The following PDXDC1 variants were observed in gnomAD, a reference collection of about 807,000 sequenced individuals.
The protein encoded by PDXDC1 is pyridoxal-dependent decarboxylase domain-containing protein 1.
Under a neutral mutation model 100.1 loss-of-function variants are expected in PDXDC1, and 42 were observed. The observed-to-expected ratio is 0.42, with a 90% confidence interval of 0.33 to 0.54. The LOEUF (loss-of-function observed/expected upper bound fraction) is 0.54. Among genes scored for constraint, PDXDC1 ranks in the 20% least tolerant of loss-of-function variants. The pLI is 0.10. For synonymous variants in PDXDC1, 260 were observed against 371.7 expected (o/e 0.70, Z 3.46); for missense variants, 636 against 979.2 (o/e 0.65, Z 4.68).
At chr16:15,026,274 T>C (rs2042596213) in intron 13 of PDXDC1, 2 of 292,504 alleles carry the variant, frequency 6.8e-6, no homozygotes. Context: ...TCCTGCATAA[T>C]TTCTGGGATT....
chr16:15,058,043 G>A (rs977425564), intron 16 of PDXDC1, among the ~76,000 whole-genome samples: 4 of 152,150 alleles, frequency 2.6e-5, no homozygotes, highest in African/African-American at 7.2e-5. Flanking sequence ...CCAGCACTGC[G>A]GCTCATGCCT....
At chr16:15,130,454 C>A (rs980214431) in intron 16 of PDXDC1, 4 of 1,457,278 alleles carry the variant, frequency 2.7e-6, no homozygotes, top group Non-Finnish European at 3.8e-6. Context: ...GGTCTCTGGT[C>A]CTGGGCAGGG....
intron 16 of PDXDC1, chr16:15,079,945 A>G: frequency 6.6e-7 from 1 of 1,503,850 alleles, no homozygotes. Context: ...TACTGTGATT[A>G]TAACAAATTC....
At chr16:15,075,593 GAA>G in intron 16 of PDXDC1, among the ~76,000 whole-genome samples, 1 of 22,374 alleles carries the variant, frequency 4.5e-5, no homozygotes, top group Non-Finnish European at 2.4e-4. Flanking sequence ...AGAAAGAAAA[GAA>G]AGAAAGAAAT....
chr16:15,094,161 C>G, intron 16 of PDXDC1: 1 of 1,601,158 alleles, frequency 6.2e-7, no homozygotes, highest in African/African-American at 1.3e-5. Context: ...CTCGACGCGC[C>G]CAGCTTCTTA....
At chr16:15,045,878 C>T (rs1486736605) in intron 16 of PDXDC1, 1 of 152,208 alleles carries the variant, frequency 6.6e-6, no homozygotes, top group African/African-American at 2.4e-5. Context: ...GAACCAGAAG[C>T]TTGGATGTAC....
At chr16:15,044,147 TC>T (rs2043948026) in intron 16 of PDXDC1, among the ~76,000 whole-genome samples, 1 of 152,074 alleles carries the variant, frequency 6.6e-6, no homozygotes, top group African/African-American at 2.4e-5. Context: ...CTGCTACCCC[TC>T]CCTACACATG....
At chr16:15,047,471 T>C (rs1161472840) in intron 16 of PDXDC1, 2 of 1,612,842 alleles carry the variant, frequency 1.2e-6, no homozygotes, top group Non-Finnish European at 1.7e-6. Flanking sequence ...CAGAAAAGGA[T>C]TTTATGGAGT....
chr16:15,082,067 C>T (rs930401046), intron 16 of PDXDC1, among the ~76,000 whole-genome samples: 107 of 152,284 alleles, frequency 7.0e-4, no homozygotes, highest in African/African-American at 2.3e-3. Flanking sequence ...AGAGAGTTTA[C>T]GCCTTCCTTT....
At chr16:15,124,644 C>T (rs1043715511) in intron 16 of PDXDC1, among the ~76,000 whole-genome samples, 33 of 150,800 alleles carry the variant, frequency 2.2e-4, no homozygotes, top group Middle Eastern at 7.0e-3. Flanking sequence ...CGGTGGTGGG[C>T]GCCTGTAGTC....
chr16:15,047,808 G>C (rs1431345450), intron 16 of PDXDC1: 1 of 1,453,026 alleles, frequency 6.9e-7, no homozygotes, highest in Non-Finnish European at 9.7e-7. Context: ...TGGTCCCAAA[G>C]GTTGGGTCAG....
At chr16:15,097,050 C>G (rs887390909) in intron 16 of PDXDC1, among the ~76,000 whole-genome samples, 1 of 151,940 alleles carries the variant, frequency 6.6e-6, no homozygotes, top group Non-Finnish European at 1.5e-5. Flanking sequence ...TAACTTGAAG[C>G]CAGGAGTTTG....
At chr16:15,111,904 A>G (rs943085085) in intron 16 of PDXDC1, among the ~76,000 whole-genome samples, 4 of 149,522 alleles carry the variant, frequency 2.7e-5, no homozygotes, top group African/African-American at 9.7e-5. Context: ...GGAATTAATT[A>G]CCTTCAGCTC....
intron 16 of PDXDC1, chr16:15,060,529 A>T (rs962169123): frequency 6.5e-6 from 1 of 154,800 alleles, no homozygotes; most frequent in African/African-American, 2.4e-5. Flanking sequence ...GGCAGAAAAT[A>T]AATATGCTTA....
At chr16:15,026,929 T>C (rs1468191569) in intron 14 of PDXDC1, among the ~76,000 whole-genome samples, 1 of 152,302 alleles carries the variant, frequency 6.6e-6, no homozygotes, top group Admixed American at 6.5e-5. Context: ...TGCCAGTCCC[T>C]GGACCAGTGC....
intron 16 of PDXDC1, chr16:15,125,220 A>T: frequency 5.8e-6 from 3 of 515,114 alleles, no homozygotes; most frequent in South Asian, 2.1e-5. Flanking sequence ...AAAAGGAGAG[A>T]CCCAGTAAGT....
intron 16 of PDXDC1, among the ~76,000 whole-genome samples, chr16:15,099,375 G>A (rs1238174293): frequency 1.6e-5 from 2 of 126,180 alleles, no homozygotes; most frequent in Non-Finnish European, 3.1e-5. Context: ...AGCCAAGATC[G>A]CAACACTGCA....
chr16:15,089,857 T>A (rs1161094544), intron 16 of PDXDC1, among the ~76,000 whole-genome samples: 1 of 148,852 alleles, frequency 6.7e-6, no homozygotes, highest in African/African-American at 2.5e-5. Context: ...CGCTGAAGTT[T>A]TAAGAAGTGG....
At chr16:15,147,525 T>C in the PDXDC1 span, among the ~76,000 whole-genome samples, 1 of 152,170 alleles carries the variant, frequency 6.6e-6, no homozygotes, top group South Asian at 2.1e-4. Flanking sequence ...GTGCGGACTC[T>C]TCCTAGACCT....
Sources: allele counts gnomAD v4.1 joint callset (sites outside exome capture counted in the v4.1 genomes callset), GRCh38; gene constraint gnomAD v4.1.1; transcripts MANE v1.5; gene names NCBI Gene and HGNC (gene_info 2026-07-23, HGNC 2026-07-21).